The following LGR4 variants were observed in gnomAD, a reference collection of about 807,000 sequenced individuals.
The protein encoded by LGR4 is leucine-rich repeat-containing G protein-coupled receptor 4.
Under a neutral mutation model 84.8 loss-of-function variants are expected in LGR4, and 44 were observed. That is an observed-to-expected ratio of 0.52 (90% CI 0.41 to 0.67). The LOEUF (loss-of-function observed/expected upper bound fraction) is 0.67. LGR4 is among the 30% of genes least tolerant of loss of function. LGR4 has a pLI of 0.00. For missense variants in LGR4, 1,032 were observed against 1,131.4 expected (o/e 0.91, Z 1.26); for synonymous variants, 429 against 434.3 (o/e 0.99, Z 0.15).
intron 2 of LGR4, among the ~76,000 whole-genome samples, chr11:27,396,128 T>C (rs540943794): frequency 1.3e-5 from 2 of 152,298 alleles, no homozygotes; most frequent in African/African-American, 4.8e-5. Context: ...ACACTGCTTG[T>C]ACATGAAGGA....
intron 1 of LGR4, among the ~76,000 whole-genome samples, chr11:27,426,985 A>G (rs938729872): frequency 1.3e-5 from 2 of 152,210 alleles, no homozygotes; most frequent in Non-Finnish European, 2.9e-5. Context: ...CCCTGTAGCT[A>G]AAGTAATGAC....
At chr11:27,397,216 A>G (rs1484223954) in intron 2 of LGR4, among the ~76,000 whole-genome samples, 2 of 152,150 alleles carry the variant, frequency 1.3e-5, no homozygotes, top group Non-Finnish European at 2.9e-5. Flanking sequence ...TCTGCCCTCT[A>G]CAAACTGAAG....
At chr11:27,439,501 T>G (rs1864265260) in intron 1 of LGR4, among the ~76,000 whole-genome samples, 1 of 152,226 alleles carries the variant, frequency 6.6e-6, no homozygotes, top group Non-Finnish European at 1.5e-5. Context: ...GCTTCTACAT[T>G]TTGGCTATTG....
intron 12 of LGR4, 53 bp from the exon 13 acceptor site, chr11:27,376,423 CAGG>C: frequency 1.2e-5 from 11 of 925,736 alleles, no homozygotes; most frequent in East Asian, 2.5e-5. Flanking sequence ...AAGAAGAGAA[CAGG>C]AGGAGGAGGA....
intron 1 of LGR4, among the ~76,000 whole-genome samples, chr11:27,438,737 G>A (rs1864252684): frequency 6.6e-6 from 1 of 152,116 alleles, no homozygotes; most frequent in African/African-American, 2.4e-5. Flanking sequence ...AACTGTCTTT[G>A]AGCTGAGACT....
At chr11:27,472,065 C>G (rs1238906151) in intron 1 of LGR4, 53 bp downstream of exon 1, 14 of 1,202,650 alleles carry the variant, frequency 1.2e-5, no homozygotes, top group African/African-American at 1.1e-4. Flanking sequence ...GCGGCGCCCC[C>G]CGCTGGGCCC....
chr11:27,403,064 AT>A, intron 2 of LGR4, among the ~76,000 whole-genome samples: 1 of 152,228 alleles, frequency 6.6e-6, no homozygotes. Context: ...AAACAGCTAA[AT>A]CTAATTGTAA....
intron 13 of LGR4, among the ~76,000 whole-genome samples, 178 bp from the exon 14 acceptor site, chr11:27,374,224 A>C (rs1043036239): frequency 1.3e-5 from 2 of 152,190 alleles, no homozygotes; most frequent in African/African-American, 2.4e-5. Context: ...CCTTCACAAC[A>C]ATCTATTTCT....
chr11:27,385,517 GAGTC>G, intron 4 of LGR4, 49 bp from the exon 5 acceptor site: 1 of 1,254,492 alleles, frequency 8.0e-7, no homozygotes, highest in South Asian at 1.4e-5. Context: ...CTAGTGAAAT[GAGTC>G]AGTTCAAGTC....
intron 4 of LGR4, among the ~76,000 whole-genome samples, chr11:27,386,938 G>C (rs75698062): frequency 0.032 from 4,927 of 152,272 alleles, 99 homozygotes; most frequent in Middle Eastern, 0.071. Flanking sequence ...GACTGGCCAA[G>C]TACTGGCTAC....
intron 2 of LGR4, among the ~76,000 whole-genome samples, chr11:27,403,655 T>C (rs1565081042): frequency 6.6e-6 from 1 of 152,212 alleles, no homozygotes; most frequent in Non-Finnish European, 1.5e-5. Context: ...GGAAATTGTA[T>C]ACATATACTC....
At chr11:27,448,511 C>T (rs920701614) in intron 1 of LGR4, among the ~76,000 whole-genome samples, 3 of 151,994 alleles carry the variant, frequency 2.0e-5, no homozygotes, top group African/African-American at 4.8e-5. Context: ...AGGCTGGTCT[C>T]GAACTCCCGA....
chr11:27,381,668 C>T (rs754787413), intron 7 of LGR4, among the ~76,000 whole-genome samples: 2 of 151,554 alleles, frequency 1.3e-5, no homozygotes, highest in Non-Finnish European at 2.9e-5. Context: ...CCAGCCTGGG[C>T]GACAGAGTGA....
chr11:27,379,655 G>A (rs1325505414), intron 10 of LGR4, among the ~76,000 whole-genome samples: 2 of 152,270 alleles, frequency 1.3e-5, no homozygotes, highest in East Asian at 3.9e-4. Context: ...TGACTGTCTG[G>A]AGGGCTGAGG....
chr11:27,471,288 T>C (rs1304394536), intron 1 of LGR4, among the ~76,000 whole-genome samples: 2 of 152,260 alleles, frequency 1.3e-5, no homozygotes, highest in African/African-American at 4.8e-5. Flanking sequence ...AGAAAAGATC[T>C]GCTGGCTGCG....
chr11:27,433,201 C>G (rs1864142725), intron 1 of LGR4, among the ~76,000 whole-genome samples: 1 of 152,054 alleles, frequency 6.6e-6, no homozygotes, highest in African/African-American at 2.4e-5. Context: ...ACAGGGAACA[C>G]TCGTCTATTC....
intron 1 of LGR4, among the ~76,000 whole-genome samples, chr11:27,461,836 ATTTTTTTTTT>A (rs35205372): frequency 2.6e-5 from 2 of 76,558 alleles, no homozygotes; most frequent in Non-Finnish European, 4.6e-5. Context: ...TTGAGTTAGG[ATTTTTTTTTT>A]TTTTTTTTTT....
At chr11:27,407,466 CA>C (rs1457801258) in intron 2 of LGR4, among the ~76,000 whole-genome samples, 1 of 152,146 alleles carries the variant, frequency 6.6e-6, no homozygotes, top group Non-Finnish European at 1.5e-5. Context: ...TCCGTGTCAT[CA>C]CCTGTAAATA....
chr11:27,390,706 A>G (rs572726532), intron 4 of LGR4, among the ~76,000 whole-genome samples: 1 of 152,298 alleles, frequency 6.6e-6, no homozygotes, highest in African/African-American at 2.4e-5. Context: ...AGGAATTACA[A>G]TCGATTTGTT....
Sources: gnomAD v4.1 joint callset for allele counts (sites outside exome capture counted in the v4.1 genomes callset) on GRCh38, gnomAD v4.1.1 for gene constraint, MANE v1.5 for transcripts, NCBI Gene and HGNC (gene_info 2026-07-23, HGNC 2026-07-21) for gene names.